The following HIBCH variants were observed in gnomAD, a reference collection of about 807,000 sequenced individuals.
HIBCH encodes the protein 3-hydroxyisobutyryl-CoA hydrolase, mitochondrial.
A neutral mutation model predicts 58.2 loss-of-function variants in HIBCH; 50 were observed. That is an observed-to-expected ratio of 0.86 (90% confidence interval 0.68 to 1.09). The LOEUF is 1.09. HIBCH is among the 50% of genes least tolerant of loss of function. The probability of loss-of-function intolerance (pLI) is 0.00; values close to 1 mark genes in which losing one functional copy is unlikely to be tolerated. For missense variants in HIBCH, 450 were observed against 449.7 expected (o/e 1.00, Z -0.01); for synonymous variants, 151 against 146.9 (o/e 1.03, Z -0.20).
chr2:190,200,260 C>A, downstream of HIBCH: 1 of 840,914 alleles, frequency 1.2e-6, no homozygotes, highest in Non-Finnish European at 1.9e-6. Flanking sequence ...AAAAATGTGT[C>A]TACGATAATG....
intron 6 of HIBCH, among the ~76,000 whole-genome samples, chr2:190,273,932 C>T (rs1687476071): frequency 6.6e-6 from 1 of 152,104 alleles, no homozygotes; most frequent in African/African-American, 2.4e-5. Context: ...GCCTCAACCT[C>T]CCAAGTAGCT....
At position 190,207,936 on chromosome 2, in the gene HIBCH, GTAAAA is replaced by G. The variant is rs1690431260; in HGVS notation, c.1045+939_1045+943del. Among the ~76,000 whole-genome samples the G allele has an allele frequency of 6.6e-6, 1 of 151,906 alleles. No homozygotes were observed. Among genetic ancestry groups the G allele is most frequent in the South Asian group, 2.1e-4 (1 of 4,820 alleles). The stretch of plus-strand genomic sequence containing the variant: ...AAGGATATCCAGAGTCTGCACTATA[GTAAAA>G]TAATTAATAAAAACAGGAACATTAG... On this transcript the variant is annotated intron_variant, in intron 13 of 13. Coordinates refer to ENST00000359678, the MANE Select transcript of HIBCH (RefSeq NM_014362.4). The surrounding 1 kb of genome is among the most constrained non-coding windows in gnomAD (Gnocchi z 4.5).
chr2:190,262,853 T>C (rs1294335785), intron 6 of HIBCH, among the ~76,000 whole-genome samples: 2 of 152,206 alleles, frequency 1.3e-5, no homozygotes, highest in Non-Finnish European at 2.9e-5. Context: ...GAGCAAAAAG[T>C]TATTAATGAA....
chr2:190,290,597 G>A (rs940413993), intron 4 of HIBCH, 112 bp from the exon 5 acceptor site: 3 of 744,586 alleles, frequency 4.0e-6, no homozygotes, highest in Admixed American at 4.5e-5. Context: ...ACTCTAAAAT[G>A]ACTTGTTAAA....
At chr2:190,202,465 GAT>G (rs957218016), downstream of HIBCH, 7 of 167,016 alleles carry the variant, frequency 4.2e-5, no homozygotes, top group Non-Finnish European at 7.3e-5. Context: ...GAATAAGAGA[GAT>G]GAATAAACAA....
At chr2:190,316,019 G>C (rs1688703782) in intron 1 of HIBCH, among the ~76,000 whole-genome samples, 1 of 152,210 alleles carries the variant, frequency 6.6e-6, no homozygotes, top group South Asian at 2.1e-4. Context: ...TACAATCACT[G>C]AGACACTGGA....
chr2:190,225,266 G>C (rs1032703361), intron 11 of HIBCH, among the ~76,000 whole-genome samples: 1 of 152,082 alleles, frequency 6.6e-6, no homozygotes, highest in African/African-American at 2.4e-5. Context: ...AAATAACTAA[G>C]ATCAGAGCAG....
At chr2:190,299,372 TAAAC>T (rs1339707121) in intron 2 of HIBCH, among the ~76,000 whole-genome samples, 3 of 152,222 alleles carry the variant, frequency 2.0e-5, no homozygotes, top group East Asian at 3.8e-4. Flanking sequence ...GAACAATTCT[TAAAC>T]AACAGAAAAA....
chr2:190,259,365 G>GTC lies in HIBCH; in HGVS notation c.517+1790_517+1791insGA, dbSNP rs1553501633. On this transcript the variant is annotated intron_variant, in intron 7 of 13. Transcript: ENST00000359678. ...TGTGTGTGTGTGTGTGTGTGTGTGT[G>GTC]TGTCTGTCTGACTGACATGGTCTGG... 2.8e-3 allele frequency among the ~76,000 whole-genome samples: 391 copies of GTC among 141,232 alleles called. 4 individuals carry two copies. Among genetic ancestry groups the GTC allele is most frequent in the African/African-American group, 0.01 (372 of 35,844 alleles). The allele number at this position is 141,232 out of a possible 152,430, so 92.7% of individuals were successfully genotyped here.
chr2:190,249,910 T>C (rs918181243), intron 8 of HIBCH, among the ~76,000 whole-genome samples, 184 bp from the exon 9 acceptor site: 2 of 152,230 alleles, frequency 1.3e-5, no homozygotes, highest in Admixed American at 6.5e-5. Flanking sequence ...ACAGCAAATG[T>C]AGCCTTCAAA....
chr2:190,200,332 TTC>T (rs758827853), downstream of HIBCH: 1 of 591,308 alleles, frequency 1.7e-6, no homozygotes, highest in South Asian at 2.1e-5. Context: ...TAACAGCAAT[TTC>T]TGTTTAGTCT....
At position 190,314,319 on chromosome 2, in the gene HIBCH, ATG is replaced by A. The variant is rs1559068338; in HGVS notation, c.36-3525_36-3524del. On this transcript the variant is annotated intron_variant, in intron 1 of 13. Transcript: ENST00000359678. ...TATATACATATATATGTGTATATAT[ATG>A]TATATATGTATATATACATATATAT... Among the ~76,000 whole-genome samples the A allele has an allele frequency of 3.1e-3, 33 of 10,818 alleles. 1 individual carries two copies. The highest frequency in any genetic ancestry group is 0.014 in the East Asian group (1 of 70). The allele number at this position is 10,818 out of a possible 152,430, so 7.1% of individuals were successfully genotyped here. A position where few individuals can be genotyped will look rare whatever the true frequency, so the allele number is the denominator to read the frequency against.
downstream of HIBCH, chr2:190,200,127 C>T (rs1402188162): frequency 1.2e-6 from 2 of 1,613,884 alleles, no homozygotes; most frequent in Non-Finnish European, 1.7e-6. Context: ...ACATTCCATA[C>T]ATTGAGAGTG....
chr2:190,267,829 G>C lies in HIBCH; in HGVS notation c.439-6595C>G, dbSNP rs1687285109. On this transcript the variant is annotated intron_variant, in intron 6 of 13. Transcript: ENST00000359678. ...GCTTGCCAAGTTGGGCCCCTAAGGG[G>C]ACCTCAGGAACTAGATAGCCTAGAT... 1.3e-4 allele frequency among the ~76,000 whole-genome samples: 10 copies of C among 78,732 alleles called. No individual in the cohort carries two copies. The Admixed American group carries it at 1.4e-3, about 11-fold the overall frequency. 51.7% of individuals were successfully genotyped at this position (78,732 alleles called of 152,430 possible).
intron 11 of HIBCH, among the ~76,000 whole-genome samples, chr2:190,235,340 A>G (rs1028066094): frequency 2.6e-5 from 4 of 152,186 alleles, no homozygotes; most frequent in African/African-American, 9.7e-5. Context: ...TGGCATACGC[A>G]GTTTGTCAGT....
At chr2:190,199,543 TATC>T (rs1354640038), downstream of HIBCH, among the ~76,000 whole-genome samples, 3 of 152,256 alleles carry the variant, frequency 2.0e-5, no homozygotes, top group African/African-American at 7.2e-5. Context: ...ATTGAGTGAT[TATC>T]TTTTTCTTCT....
At chr2:190,228,360 T>A (rs566956124) in intron 11 of HIBCH, among the ~76,000 whole-genome samples, 2 of 136,370 alleles carry the variant, frequency 1.5e-5, no homozygotes, top group Non-Finnish European at 3.1e-5. Context: ...ATGAGAACAT[T>A]TGGACACAGA....
At chr2:190,190,856 C>T (rs1689678078) in intron 1 of HIBCH, among the ~76,000 whole-genome samples, 1 of 152,116 alleles carries the variant, frequency 6.6e-6, no homozygotes, top group Admixed American at 6.5e-5. Flanking sequence ...AGATTTGTTA[C>T]AGCCACCACC....
rs145017751 is a variant in HIBCH at position 190,249,058 on chromosome 2, T to C, written c.750+582A>G. Among the ~76,000 whole-genome samples, 198 of 152,258 alleles carry C rather than the reference T, an allele frequency of 1.3e-3. 1 individual carries two copies. The highest frequency in any genetic ancestry group is 9.8e-3 in the South Asian group (47 of 4,820). On this transcript the variant is annotated intron_variant, in intron 9 of 13. Transcript: ENST00000359678. ...TCCTGCTGATTTCAAGCTTCCAAAATACTAACATCTCATGTCTGCCACTGT... is the reference window on the plus strand; with the variant it reads ...TCCTGCTGATTTCAAGCTTCCAAAACACTAACATCTCATGTCTGCCACTGT...
Sources: allele counts gnomAD v4.1 joint callset (sites outside exome capture counted in the v4.1 genomes callset), GRCh38; gene constraint gnomAD v4.1.1; non-coding constraint Gnocchi (gnomAD v3.1); transcripts MANE v1.5; gene names NCBI Gene and HGNC (gene_info 2026-07-23, HGNC 2026-07-21).